The following EYS variants were observed in gnomAD, a reference collection of about 807,000 sequenced individuals.
The protein encoded by EYS is EGF-like photoreceptor maintenance factor, also known as protein eyes shut homolog.
In EYS, 250 loss-of-function variants were observed where a neutral mutation model predicts 282.1. The observed-to-expected ratio is 0.89, with a 90% confidence interval of 0.80 to 0.98. The LOEUF (loss-of-function observed/expected upper bound fraction) is 0.98. Ranked by LOEUF, EYS falls within the 50% of genes least tolerant of loss-of-function variation. The pLI is 0.00. For missense variants in EYS, 4,016 were observed against 3,709.0 expected (o/e 1.08, Z -2.15); for synonymous variants, 1,355 against 1,282.9 (o/e 1.06, Z -1.20).
At chr6:64,753,463 T>C (rs1772830508) in intron 22 of EYS, among the ~76,000 whole-genome samples, 1 of 150,434 alleles carries the variant, frequency 6.6e-6, no homozygotes. Flanking sequence ...AGAGTAGTTA[T>C]ACTTACATCA....
At chr6:65,439,288 C>G (rs909821949) in intron 5 of EYS, among the ~76,000 whole-genome samples, 1 of 152,060 alleles carries the variant, frequency 6.6e-6, no homozygotes, top group African/African-American at 2.4e-5. Flanking sequence ...AGTGATATCT[C>G]CAGCTTTGTT....
intron 28 of EYS, among the ~76,000 whole-genome samples, chr6:64,417,387 T>C (rs1319526268): frequency 2.0e-5 from 3 of 152,150 alleles, no homozygotes; most frequent in Non-Finnish European, 4.4e-5. Flanking sequence ...TGCTTTTAAT[T>C]TGCTTGTTTC....
intron 26 of EYS, among the ~76,000 whole-genome samples, chr6:64,559,806 A>G (rs925423386): frequency 6.6e-5 from 10 of 152,072 alleles, no homozygotes; most frequent in Admixed American, 2.6e-4. Flanking sequence ...GGTTTGTTAT[A>G]TAGGTAAACT....
intron 12 of EYS, among the ~76,000 whole-genome samples, chr6:65,223,548 G>C (rs1425063574): frequency 2.0e-5 from 3 of 152,176 alleles, no homozygotes; most frequent in Non-Finnish European, 4.4e-5. Context: ...AAAAATGACT[G>C]TTTTCAAAGA....
intron 20 of EYS, 138 bp from the exon 21 acceptor site, chr6:64,821,861 A>G (rs926314385): frequency 1.4e-5 from 7 of 485,582 alleles, no homozygotes; most frequent in Non-Finnish European, 2.6e-5. Context: ...AGCAGAGTTT[A>G]TTCCTGGGTT....
chr6:64,509,735 A>G (rs1777324770), intron 26 of EYS, among the ~76,000 whole-genome samples: 1 of 152,106 alleles, frequency 6.6e-6, no homozygotes, highest in Admixed American at 6.5e-5. Context: ...TCATGAACAG[A>G]TGGCTTTTGT....
intron 2 of EYS, among the ~76,000 whole-genome samples, chr6:65,568,607 G>C (rs1764366926): frequency 6.6e-6 from 1 of 152,096 alleles, no homozygotes; most frequent in Non-Finnish European, 1.5e-5. Flanking sequence ...CAAAAGAGTT[G>C]AGCATGACTT....
rs141655497 is a variant in EYS at position 65,265,806 on chromosome 6, T to C, written c.2023+30057A>G. 2.8e-3 allele frequency among the ~76,000 whole-genome samples: 431 copies of C among 152,034 alleles called. 4 individuals carry two copies. Among genetic ancestry groups the C allele is most frequent in the African/African-American group, 9.8e-3 (406 of 41,550 alleles). ...TGGATTTCAGAAAATGCTCTTATTT[T>C]TTAGCTATGCAAACTTAAGCCATTT... On this transcript the variant is annotated intron_variant, in intron 12 of 42. Transcript: ENST00000503581.
intron 8 of EYS, among the ~76,000 whole-genome samples, chr6:65,363,287 A>C (rs766003928): frequency 2.0e-5 from 3 of 152,048 alleles, no homozygotes; most frequent in Non-Finnish European, 4.4e-5. Flanking sequence ...TGACTGTAGA[A>C]AACCAAAATC....
intron 28 of EYS, among the ~76,000 whole-genome samples, chr6:64,396,329 A>G (rs1773374487): frequency 6.6e-6 from 1 of 152,124 alleles, no homozygotes; most frequent in Non-Finnish European, 1.5e-5. Context: ...ATTTAACAAA[A>G]AAGTACTTAG....
chr6:64,035,021 T>C (rs933975349), intron 33 of EYS, among the ~76,000 whole-genome samples: 1 of 152,132 alleles, frequency 6.6e-6, no homozygotes, highest in African/African-American at 2.4e-5. Context: ...TGTCTGGAGA[T>C]TGTCACAGCT....
chr6:64,169,061 T>A (rs1005845302), intron 31 of EYS, among the ~76,000 whole-genome samples: 1 of 152,240 alleles, frequency 6.6e-6, no homozygotes, highest in East Asian at 1.9e-4. Flanking sequence ...TTTATTTTGA[T>A]GTTGTGTATC....
intron 30 of EYS, among the ~76,000 whole-genome samples, chr6:64,266,139 A>G (rs943240182): frequency 3.3e-5 from 5 of 152,164 alleles, no homozygotes; most frequent in African/African-American, 1.2e-4. Context: ...ATAAAACTCT[A>G]AGACAATCAG....
intron 33 of EYS, among the ~76,000 whole-genome samples, chr6:64,043,410 AT>A (rs1444607419): frequency 6.6e-6 from 1 of 152,250 alleles, no homozygotes; most frequent in Non-Finnish European, 1.5e-5. Flanking sequence ...TCTAGATTGC[AT>A]GCGTGTCACA....
At chr6:65,502,520 C>G (rs73743921) in intron 2 of EYS, among the ~76,000 whole-genome samples, 1 of 151,566 alleles carries the variant, frequency 6.6e-6, no homozygotes, top group East Asian at 1.9e-4. Flanking sequence ...ACACATTTGT[C>G]ACAATTAATG....
At chr6:65,333,036 G>T (rs1413704427) in intron 11 of EYS, among the ~76,000 whole-genome samples, 1 of 150,768 alleles carries the variant, frequency 6.6e-6, no homozygotes, top group African/African-American at 2.4e-5. Context: ...TTTGTTTTTT[G>T]ATATTCTTTA....
intron 8 of EYS, among the ~76,000 whole-genome samples, chr6:65,357,160 G>C (rs1163715804): frequency 6.6e-6 from 1 of 151,860 alleles, no homozygotes; most frequent in Non-Finnish European, 1.5e-5. Flanking sequence ...TTTCTGTAGA[G>C]GTTCAACAGA....
intron 12 of EYS, among the ~76,000 whole-genome samples, chr6:65,289,232 T>C (rs1222722703): frequency 6.6e-6 from 1 of 151,046 alleles, no homozygotes; most frequent in Non-Finnish European, 1.5e-5. Context: ...ATAATATAGC[T>C]CAAAATTTAA....
rs559090121 is a variant in EYS at position 64,221,839 on chromosome 6, C to T, written c.6424+8753G>A. 8.6e-5 allele frequency among the ~76,000 whole-genome samples: 13 copies of T among 152,020 alleles called. No homozygotes were observed. In the East Asian group the frequency reaches 1.5e-3, roughly 18 times the overall value. On this transcript the variant is annotated intron_variant, in intron 31 of 42. Transcript: ENST00000503581. ...GAGAGGAGTCCTGGAGCCAATCTCC[C>T]GTAAATACAAAGGATGACTGGATAT...
Sources: allele counts gnomAD v4.1 joint callset (sites outside exome capture counted in the v4.1 genomes callset), GRCh38; gene constraint gnomAD v4.1.1; transcripts MANE v1.5; gene names NCBI Gene and HGNC (gene_info 2026-07-23, HGNC 2026-07-21).